Variants in PTPRD observed in about 807,000 individuals in gnomAD.
The protein encoded by PTPRD is receptor-type tyrosine-protein phosphatase delta.
PTPRD carries 34 observed loss-of-function variants against 214.5 expected under a neutral mutation model. The observed-to-expected ratio is 0.16, with a 90% CI of 0.12 to 0.21. The LOEUF (loss-of-function observed/expected upper bound fraction) is 0.21, where lower values mean the gene tolerates loss of function less well. Ranked by LOEUF, PTPRD falls within the 10% of genes least tolerant of loss-of-function variation. The pLI is 1.00. For synonymous variants in PTPRD, 1,128 were observed against 845.7 expected (o/e 1.33, Z -5.79); for missense variants, 2,545 against 2,398.7 (o/e 1.06, Z -1.27).
At chr9:8,360,797 T>C (rs1588647468) in intron 39 of PTPRD, among the ~76,000 whole-genome samples, 2 of 152,152 alleles carry the variant, frequency 1.3e-5, no homozygotes, top group African/African-American at 4.8e-5. Context: ...CTTAGAGAAA[T>C]TCCAAGGGGG....
rs2094469765 is a variant in PTPRD at position 8,596,247 on chromosome 9, A to G, written c.352+37070T>C. On this transcript the variant is annotated intron_variant, in intron 14 of 45. Coordinates refer to ENST00000381196, the MANE Select transcript of PTPRD (RefSeq NM_002839.4). ...AATAATACTCCATCACATAAAATATATGGATTTTATGGATTATATGGATTA... is the reference window on the plus strand; with the variant it reads ...AATAATACTCCATCACATAAAATATGTGGATTTTATGGATTATATGGATTA... 2.0e-5 allele frequency among the ~76,000 whole-genome samples: 3 copies of G among 151,696 alleles called. No homozygotes were observed. The South Asian group carries it at 6.2e-4, about 31-fold the overall frequency.
chr9:8,327,801 T>C (rs1259611187), intron 44 of PTPRD, among the ~76,000 whole-genome samples: 1 of 152,222 alleles, frequency 6.6e-6, no homozygotes, highest in Non-Finnish European at 1.5e-5. Flanking sequence ...TCTTTGTTGG[T>C]TTAAAGTCCG....
At chr9:9,497,909 G>T (rs538426652) in intron 8 of PTPRD, among the ~76,000 whole-genome samples, 1 of 152,138 alleles carries the variant, frequency 6.6e-6, no homozygotes, top group African/African-American at 2.4e-5. Context: ...CAGGGCCTCA[G>T]TTTTCTCATC....
intron 12 of PTPRD, among the ~76,000 whole-genome samples, chr9:8,701,966 G>A (rs199860240): frequency 6.6e-6 from 1 of 152,092 alleles, no homozygotes; most frequent in Non-Finnish European, 1.5e-5. Flanking sequence ...ATAAATCAGG[G>A]TTTATTTATA....
At chr9:8,903,275 C>T (rs1378381459) in intron 11 of PTPRD, among the ~76,000 whole-genome samples, 1 of 151,962 alleles carries the variant, frequency 6.6e-6, no homozygotes, top group Non-Finnish European at 1.5e-5. Context: ...GAGCATAGTA[C>T]TCGACTATTA....
intron 35 of PTPRD, among the ~76,000 whole-genome samples, chr9:8,409,507 G>A (rs574802660): frequency 7.2e-5 from 11 of 152,306 alleles, no homozygotes; most frequent in African/African-American, 2.6e-4. Flanking sequence ...AAACAAGAGA[G>A]TGATCATCAA....
chr9:10,049,868 G>C (rs117537598), intron 3 of PTPRD, among the ~76,000 whole-genome samples: 2 of 152,144 alleles, frequency 1.3e-5, no homozygotes, highest in African/African-American at 2.4e-5. Context: ...AAGGGACTTT[G>C]GTGTGAGACA....
intron 11 of PTPRD, among the ~76,000 whole-genome samples, chr9:8,878,008 A>C (rs186976419): frequency 2.0e-5 from 3 of 152,288 alleles, no homozygotes; most frequent in East Asian, 1.9e-4. Context: ...TCCTAGTCTT[A>C]AGGAGGTTGT....
chr9:10,383,045 T>G (rs556601746), intron 2 of PTPRD, among the ~76,000 whole-genome samples: 1 of 151,922 alleles, frequency 6.6e-6, no homozygotes, highest in African/African-American at 2.4e-5. Flanking sequence ...AGTGATGCCT[T>G]AAGTCATTGT....
At chr9:9,345,246 T>C (rs917556787) in intron 9 of PTPRD, among the ~76,000 whole-genome samples, 2 of 151,906 alleles carry the variant, frequency 1.3e-5, no homozygotes, top group Admixed American at 1.3e-4. Context: ...TTTCTTAAAA[T>C]TTTAAATATT....
At chr9:8,397,234 T>C (rs955345558) in intron 36 of PTPRD, among the ~76,000 whole-genome samples, 1 of 152,042 alleles carries the variant, frequency 6.6e-6, no homozygotes, top group African/African-American at 2.4e-5. Flanking sequence ...AACTATTCAC[T>C]AGTGACTGGG....
chr9:10,138,549 T>C (rs1053638907), intron 3 of PTPRD, among the ~76,000 whole-genome samples: 2 of 152,026 alleles, frequency 1.3e-5, no homozygotes, highest in Non-Finnish European at 2.9e-5. Context: ...GAGGATGCAC[T>C]ATTCTCTAAT....
intron 8 of PTPRD, among the ~76,000 whole-genome samples, chr9:9,492,892 G>A (rs1485765891): frequency 2.0e-5 from 3 of 148,700 alleles, no homozygotes; most frequent in African/African-American, 7.5e-5. Flanking sequence ...TCCATGTCCT[G>A]TGATTGTTGA....
rs1259199921 is a variant in PTPRD at position 8,851,816 on chromosome 9, T to C, written c.-103-117870A>G. Among the ~76,000 whole-genome samples, 4 of 152,090 alleles carry C rather than the reference T, an allele frequency of 2.6e-5. No homozygotes were observed. In the South Asian group the frequency reaches 6.3e-4, roughly 24 times the overall value. ...ATCATTTCCTCCGAGAGCTCACAGA[T>C]AATAAGTGGCAGAACTGAGGCATAA... On this transcript the variant is annotated intron_variant, in intron 11 of 45. Coordinates refer to ENST00000381196, the MANE Select transcript of PTPRD (RefSeq NM_002839.4).
At chr9:9,439,608 C>T (rs1209206394) in intron 8 of PTPRD, among the ~76,000 whole-genome samples, 1 of 152,104 alleles carries the variant, frequency 6.6e-6, no homozygotes, top group Non-Finnish European at 1.5e-5. Flanking sequence ...AGGTGCATTC[C>T]ATTAAAAGCC....
chr9:9,430,137 G>T (rs573471629), intron 8 of PTPRD, among the ~76,000 whole-genome samples: 1 of 152,282 alleles, frequency 6.6e-6, no homozygotes, highest in South Asian at 2.1e-4. Context: ...TGACATGATT[G>T]TATGTCTAGA....
chr9:9,935,103 C>T (rs547557488), intron 5 of PTPRD, among the ~76,000 whole-genome samples: 1 of 152,132 alleles, frequency 6.6e-6, no homozygotes, highest in South Asian at 2.1e-4. Flanking sequence ...CTATGACAAA[C>T]CCACAGCCAA....
At chr9:9,691,426 G>A (rs1306320062) in intron 7 of PTPRD, among the ~76,000 whole-genome samples, 3 of 151,908 alleles carry the variant, frequency 2.0e-5, no homozygotes. Context: ...TTAACATGAT[G>A]ACCTCCAGTT....
intron 7 of PTPRD, among the ~76,000 whole-genome samples, chr9:9,704,467 G>T (rs890837043): frequency 2.0e-5 from 3 of 152,108 alleles, no homozygotes; most frequent in Admixed American, 6.6e-5. Flanking sequence ...CCCCATGTAT[G>T]GTGGTTGAAA....
Sources: allele counts gnomAD v4.1 joint callset (sites outside exome capture counted in the v4.1 genomes callset), GRCh38; gene constraint gnomAD v4.1.1; transcripts MANE v1.5; gene names NCBI Gene and HGNC (gene_info 2026-07-23, HGNC 2026-07-21).